PTP4A1: variants seen among roughly 807,000 people sequenced by gnomAD.
PTP4A1 encodes the protein protein tyrosine phosphatase type IVA 1.
In PTP4A1, 9 loss-of-function variants were observed where a neutral mutation model predicts 20.5. That is an observed-to-expected ratio of 0.44 (90% CI 0.26 to 0.77). The LOEUF (loss-of-function observed/expected upper bound fraction) is 0.77, where lower values mean the gene tolerates loss of function less well. PTP4A1 is among the 30% of genes least tolerant of loss of function. The pLI is 0.19. For synonymous variants in PTP4A1, 78 were observed against 67.4 expected (o/e 1.16, Z -0.77); for missense variants, 137 against 218.8 (o/e 0.63, Z 2.36).
chr6:63,564,587 A>T lies in PTP4A1; in HGVS notation c.-445-11849A>T, dbSNP rs547160924. On this transcript the variant is annotated intron_variant, in intron 3 of 3. Transcript: ENST00000639568. Reference sequence around the variant, plus strand: ...CTGCAGCCTAAATGCCAACTCTGTAAATTAAACCTGTCAAGTGACAGCTTT... The same window carrying T: ...CTGCAGCCTAAATGCCAACTCTGTATATTAAACCTGTCAAGTGACAGCTTT... Among the ~76,000 whole-genome samples, 4 of 152,344 alleles carry T rather than the reference A, an allele frequency of 2.6e-5. No homozygotes were observed. In the East Asian group the frequency reaches 7.7e-4, roughly 29 times the overall value.
chr6:63,535,500 C>A (rs534917331), intron 2 of PTP4A1, among the ~76,000 whole-genome samples: 28 of 152,196 alleles, frequency 1.8e-4, no homozygotes, highest in South Asian at 1.0e-3. Flanking sequence ...TATGCATTTC[C>A]CTCCTTAATT....
Position 63,522,501 on chromosome 6 carries a change from T to C in PTP4A1, c.-906+675T>C, listed in dbSNP as rs544110610. On this transcript the variant is annotated intron_variant, in intron 1 of 3. Transcript: ENST00000639568. The stretch of plus-strand genomic sequence containing the variant: ...ATCACCCTCGCCAAGACTGTATCCA[T>C]GACAAGCTTTAGTAAGCAAAGAGAG... 7.2e-5 allele frequency among the ~76,000 whole-genome samples: 11 copies of C among 152,206 alleles called. 1 individual carries two copies. Among genetic ancestry groups the C allele is most frequent in the Admixed American group, 5.9e-4 (9 of 15,274 alleles).
chr6:63,573,039 G>A (rs996334595), intron 1 of PTP4A1, among the ~76,000 whole-genome samples: 2 of 151,828 alleles, frequency 1.3e-5, no homozygotes, highest in African/African-American at 2.4e-5. Flanking sequence ...GGCAGTTTCG[G>A]CTTCCGCAGC....
intron 2 of PTP4A1, among the ~76,000 whole-genome samples, chr6:63,547,006 A>T (rs1776221558): frequency 1.3e-5 from 2 of 152,260 alleles, no homozygotes; most frequent in South Asian, 2.1e-4. Flanking sequence ...ATTCTTTTTT[A>T]AAAAGTTTTG....
At chr6:63,525,032 A>C (rs1443491964) in intron 1 of PTP4A1, among the ~76,000 whole-genome samples, 2 of 152,222 alleles carry the variant, frequency 1.3e-5, no homozygotes, top group East Asian at 3.8e-4. Flanking sequence ...AACTTGATTC[A>C]GGGATTTAGC....
At chr6:63,579,837 T>G (rs1307069346) in intron 5 of PTP4A1, among the ~76,000 whole-genome samples, 1 of 152,172 alleles carries the variant, frequency 6.6e-6, no homozygotes, top group Non-Finnish European at 1.5e-5. Context: ...GAGTCGACTG[T>G]TGTAACCAAT....
chr6:63,567,805 T>C (rs879935455), upstream of PTP4A1, among the ~76,000 whole-genome samples: 2 of 152,254 alleles, frequency 1.3e-5, no homozygotes, highest in Admixed American at 6.5e-5. Context: ...TGTTATTTAG[T>C]GTAGCCACCT....
intron 3 of PTP4A1, among the ~76,000 whole-genome samples, chr6:63,560,257 G>GA (rs1434610361): frequency 6.9e-6 from 1 of 144,262 alleles, no homozygotes; most frequent in African/African-American, 2.6e-5. Flanking sequence ...AGAATCACTT[G>GA]AACCCAGGCA....
At chr6:63,528,754 C>A (rs1264582643) in intron 2 of PTP4A1, among the ~76,000 whole-genome samples, 1 of 149,268 alleles carries the variant, frequency 6.7e-6, no homozygotes, top group East Asian at 2.0e-4. Context: ...CAGAGTGAGA[C>A]CCTGTCTCAA....
chr6:63,556,626 G>C (rs905203550), intron 3 of PTP4A1, among the ~76,000 whole-genome samples: 1 of 152,210 alleles, frequency 6.6e-6, no homozygotes, highest in Non-Finnish European at 1.5e-5. Flanking sequence ...AATTCTCTGA[G>C]CAAAGGCTTT....
upstream of PTP4A1, among the ~76,000 whole-genome samples, chr6:63,521,277 T>C (rs575281615): frequency 1.1e-3 from 164 of 152,006 alleles, 1 homozygote; most frequent in African/African-American, 3.8e-3. Flanking sequence ...AAACGGCAAA[T>C]AATTTTTTAG....
At chr6:63,527,161 G>A (rs1775225254) in intron 1 of PTP4A1, among the ~76,000 whole-genome samples, 1 of 152,126 alleles carries the variant, frequency 6.6e-6, no homozygotes, top group Admixed American at 6.6e-5. Context: ...GGCTTGGATT[G>A]CCTTTCTTCT....
At chr6:63,529,100 T>C (rs1330543839) in intron 2 of PTP4A1, among the ~76,000 whole-genome samples, 4 of 148,206 alleles carry the variant, frequency 2.7e-5, no homozygotes, top group Admixed American at 6.8e-5. Flanking sequence ...AAAATATATA[T>C]ATGTGTGTAT....
chr6:63,560,890 T>C (rs1219963477), intron 3 of PTP4A1, among the ~76,000 whole-genome samples: 1 of 152,180 alleles, frequency 6.6e-6, no homozygotes, highest in Non-Finnish European at 1.5e-5. Flanking sequence ...ACAACATCTC[T>C]TGAAGTAGCC....
chr6:63,532,943 T>C (rs186397765), intron 2 of PTP4A1, among the ~76,000 whole-genome samples: 1 of 152,340 alleles, frequency 6.6e-6, no homozygotes, highest in East Asian at 1.9e-4. Context: ...ACATACCCGA[T>C]GTGAGCCTTC....
chr6:63,540,736 AAC>A (rs1219619173), intron 2 of PTP4A1, among the ~76,000 whole-genome samples: 2 of 152,116 alleles, frequency 1.3e-5, no homozygotes, highest in African/African-American at 4.8e-5. Context: ...ATGCATATTA[AAC>A]ACATCAGAAT....
At position 63,580,551 on chromosome 6, in the gene PTP4A1, T is replaced by C. The variant is rs1778163086; in HGVS notation, c.*377T>C. ...AAATACCCAGCACAATACTTGTATA[T>C]TTTTAGTACCATACAGAAGTAAAAT... is the stretch of plus-strand genomic sequence containing the variant. On this transcript the variant is annotated 3_prime_UTR_variant, in exon 6 of 6. Transcript: ENST00000626021. 5 of 168,274 alleles carry C rather than the reference T, an allele frequency of 3.0e-5. No individual in the cohort carries two copies. In the South Asian group the frequency reaches 7.7e-4, roughly 26 times the overall value. The allele number at this position is 168,274 out of a possible 1,614,324, so 10.4% of individuals were successfully genotyped here.
intron 1 of PTP4A1, among the ~76,000 whole-genome samples, chr6:63,522,373 A>G (rs944251770): frequency 5.9e-5 from 9 of 152,230 alleles, no homozygotes; most frequent in Admixed American, 6.5e-5. Context: ...CATTCTAGTT[A>G]AACAGAAGAT....
chr6:63,554,701 C>A (rs1346002724), intron 3 of PTP4A1, among the ~76,000 whole-genome samples: 1 of 152,130 alleles, frequency 6.6e-6, no homozygotes, highest in Non-Finnish European at 1.5e-5. Context: ...GCACAAGAGT[C>A]CCTTGAACCA....
Sources: gnomAD v4.1 joint callset for allele counts (sites outside exome capture counted in the v4.1 genomes callset) on GRCh38, gnomAD v4.1.1 for gene constraint, MANE v1.5 for transcripts, NCBI Gene and HGNC (gene_info 2026-07-23, HGNC 2026-07-21) for gene names.